VSNL1: variants seen among roughly 807,000 people sequenced by gnomAD.
VSNL1 encodes visinin like 1, also known as visinin-like protein 1.
VSNL1 carries 6 observed loss-of-function variants against 20.4 expected under a neutral mutation model. The observed-to-expected ratio is 0.29, with a 90% CI of 0.16 to 0.58. The LOEUF is 0.58. VSNL1 is among the 20% of genes least tolerant of loss of function. The pLI is 0.90. For synonymous variants in VSNL1, 93 were observed against 86.4 expected, an observed-to-expected ratio of 1.08 and a Z score of -0.42; for missense variants, 100 against 234.5, an observed-to-expected ratio of 0.43 and a Z score of 3.75.
intron 2 of VSNL1, among the ~76,000 whole-genome samples, chr2:17,622,592 G>GAAAGAAAGA (rs1330718611): frequency 4.8e-5 from 6 of 124,632 alleles, no homozygotes; most frequent in Non-Finnish European, 1.1e-4. Context: ...AAGAAAGAAA[G>GAAAGAAAGA]AAAGAAAGAA....
At chr2:17,583,716 T>C (rs1164698186) in intron 1 of VSNL1, among the ~76,000 whole-genome samples, 1 of 152,224 alleles carries the variant, frequency 6.6e-6, no homozygotes, top group East Asian at 1.9e-4. Context: ...CTCAGATGAC[T>C]TTCCTCAGTC....
chr2:17,646,496 G>A (rs955872858), intron 2 of VSNL1, among the ~76,000 whole-genome samples: 5 of 152,140 alleles, frequency 3.3e-5, no homozygotes, highest in African/African-American at 1.2e-4. Context: ...GACCTTTCTA[G>A]GCTTCCACTT....
rs754246403 is a variant in VSNL1, at chr2:17,656,846, A to G, written c.*1452A>G. The G allele has an allele frequency of 1.3e-5, 2 of 152,236 alleles. No individual in the cohort carries two copies. Among genetic ancestry groups the G allele is most frequent in the Non-Finnish European group, 2.9e-5 (2 of 68,040 alleles). 9.4% of individuals were successfully genotyped at this position (152,236 alleles called of 1,614,324 possible). A position where few individuals can be genotyped will look rare whatever the true frequency, so the allele number is the denominator to read the frequency against. Reference sequence around the variant, plus strand: ...TAGCGTGACTAAGGAACTGAATTTTATACTGTAATTAAGTGTAATTTGCCA... The same window carrying G: ...TAGCGTGACTAAGGAACTGAATTTTGTACTGTAATTAAGTGTAATTTGCCA... On this transcript the variant is annotated 3_prime_UTR_variant, in exon 4 of 4. Transcript: ENST00000295156.
intron 1 of VSNL1, among the ~76,000 whole-genome samples, chr2:17,556,108 T>C (rs566537283): frequency 1.3e-5 from 2 of 152,306 alleles, no homozygotes; most frequent in Non-Finnish European, 1.5e-5. Context: ...TATGGTTTTA[T>C]GTGGTTCAGG....
intron 1 of VSNL1, among the ~76,000 whole-genome samples, chr2:17,578,734 AGC>A (rs1476390570): frequency 6.6e-6 from 1 of 152,240 alleles, no homozygotes; most frequent in Non-Finnish European, 1.5e-5. Flanking sequence ...TGTCTCTTTC[AGC>A]AAAGATATTT....
At chr2:17,555,362 G>T (rs1663651301) in intron 1 of VSNL1, among the ~76,000 whole-genome samples, 1 of 152,098 alleles carries the variant, frequency 6.6e-6, no homozygotes. Flanking sequence ...TTTTGGAGCA[G>T]GAAACAGAAA....
At chr2:17,562,490 A>T (rs1461976179) in intron 1 of VSNL1, among the ~76,000 whole-genome samples, 3 of 152,184 alleles carry the variant, frequency 2.0e-5, no homozygotes, top group Non-Finnish European at 2.9e-5. Context: ...TTAGAAACCA[A>T]AGCAAAAAGC....
chr2:17,547,361 A>G (rs1222811278), intron 1 of VSNL1, among the ~76,000 whole-genome samples: 2 of 152,088 alleles, frequency 1.3e-5, no homozygotes, highest in East Asian at 1.9e-4. Context: ...TTAATCAGAA[A>G]TCAATAGCTC....
At chr2:17,635,357 G>C (rs1325541258) in intron 2 of VSNL1, among the ~76,000 whole-genome samples, 1 of 152,148 alleles carries the variant, frequency 6.6e-6, no homozygotes, top group Non-Finnish European at 1.5e-5. Context: ...CAGGTGGAAG[G>C]CAAAATGTAA....
At chr2:17,582,015 T>G (rs16983666) in intron 1 of VSNL1, among the ~76,000 whole-genome samples, 5,026 of 152,260 alleles carry the variant, frequency 0.033, 88 homozygotes, top group East Asian at 0.098. Context: ...GAAGTAGCCG[T>G]ACAGTGAAGT....
At chr2:17,555,062 T>A (rs1272545388) in intron 1 of VSNL1, among the ~76,000 whole-genome samples, 1 of 152,174 alleles carries the variant, frequency 6.6e-6, no homozygotes, top group Non-Finnish European at 1.5e-5. Context: ...CACATAACTC[T>A]GACTACAGGC....
At chr2:17,640,151 G>A (rs1367465327) in intron 2 of VSNL1, among the ~76,000 whole-genome samples, 2 of 151,768 alleles carry the variant, frequency 1.3e-5, no homozygotes, top group African/African-American at 4.8e-5. Flanking sequence ...TCAGGAGGCT[G>A]AGGGAGGAGA....
intron 1 of VSNL1, among the ~76,000 whole-genome samples, chr2:17,559,539 C>A (rs1572331718): frequency 6.6e-6 from 1 of 151,978 alleles, no homozygotes; most frequent in South Asian, 2.1e-4. Flanking sequence ...TCTAGCTTTT[C>A]ATCTTATTCA....
chr2:17,618,573 G>A (rs1665275191), intron 2 of VSNL1, among the ~76,000 whole-genome samples: 2 of 152,154 alleles, frequency 1.3e-5, no homozygotes. Flanking sequence ...ACAGACTTCA[G>A]GGGTTCGAAT....
intron 2 of VSNL1, among the ~76,000 whole-genome samples, chr2:17,629,196 G>C (rs963221813): frequency 4.6e-5 from 7 of 152,164 alleles, no homozygotes; most frequent in East Asian, 3.9e-4. Context: ...TAAGGCTCAG[G>C]GTTGTTTAGT....
rs940064245 is a variant in VSNL1, at chr2:17,655,613, A to C, written c.*219A>C. ...TAAAAGCATATATAAAACAAAACAA[A>C]CAACCTGCCACAATGTGATATGTGT... On this transcript the variant is annotated 3_prime_UTR_variant, in exon 4 of 4. Transcript: ENST00000295156. The surrounding 1 kb of genome is among the most constrained non-coding windows in gnomAD (Gnocchi z 5.2). 6 of 502,994 alleles carry C rather than the reference A, an allele frequency of 1.2e-5. No individual in the cohort carries two copies. The highest frequency in any genetic ancestry group is 7.7e-5 in the African/African-American group (4 of 52,066). The allele number at this position is 502,994 out of a possible 1,614,324, so 31.2% of individuals were successfully genotyped here. A position where few individuals can be genotyped will look rare whatever the true frequency, so the allele number is the denominator to read the frequency against.
chr2:17,587,796 A>G (rs376903532), intron 1 of VSNL1, among the ~76,000 whole-genome samples: 29 of 152,310 alleles, frequency 1.9e-4, no homozygotes, highest in African/African-American at 7.0e-4. Context: ...TCTCATCAGT[A>G]AAAAGGAAAC....
At chr2:17,579,315 C>A (rs1285826100) in intron 1 of VSNL1, among the ~76,000 whole-genome samples, 1 of 152,108 alleles carries the variant, frequency 6.6e-6, no homozygotes, top group East Asian at 1.9e-4. Context: ...CGGGGTTTCA[C>A]TGTGTTATCC....
chr2:17,548,390 G>A (rs1286790099), intron 1 of VSNL1, among the ~76,000 whole-genome samples: 1 of 151,978 alleles, frequency 6.6e-6, no homozygotes, highest in African/African-American at 2.4e-5. Flanking sequence ...TCTTTTTGAA[G>A]TCTACAAAAC....
Sources: allele counts gnomAD v4.1 joint callset (sites outside exome capture counted in the v4.1 genomes callset), GRCh38; gene constraint gnomAD v4.1.1; non-coding constraint Gnocchi (gnomAD v3.1); transcripts MANE v1.5; gene names NCBI Gene and HGNC (gene_info 2026-07-23, HGNC 2026-07-21).